Variants in ZBTB20 observed in about 807,000 individuals in gnomAD.
The protein encoded by ZBTB20 is zinc finger and BTB domain containing 20.
A neutral mutation model predicts 56.9 loss-of-function variants in ZBTB20; 9 were observed. The ratio of observed to expected loss-of-function variants is 0.16; its 90% CI spans 0.10 to 0.28. The LOEUF (loss-of-function observed/expected upper bound fraction) is 0.28, where lower values mean the gene tolerates loss of function less well. Ranked by LOEUF, ZBTB20 falls within the 10% of genes least tolerant of loss-of-function variation. The probability of loss-of-function intolerance (pLI) is 1.00; values close to 1 mark genes in which losing one functional copy is unlikely to be tolerated. For synonymous variants in ZBTB20, 417 were observed against 420.7 expected (o/e 0.99, Z 0.11); for missense variants, 655 against 1,003.0 (o/e 0.65, Z 4.69).
intron 1 of ZBTB20, among the ~76,000 whole-genome samples, chr3:115,103,216 A>AT (rs766914028): frequency 6.6e-5 from 10 of 152,180 alleles, no homozygotes; most frequent in Non-Finnish European, 1.2e-4. Context: ...TTGATATGTC[A>AT]TGGGGCAATT....
At chr3:114,417,629 T>C (rs1429110063) in intron 7 of ZBTB20, among the ~76,000 whole-genome samples, 1 of 152,102 alleles carries the variant, frequency 6.6e-6, no homozygotes, top group Non-Finnish European at 1.5e-5. Context: ...GTCTGAACAG[T>C]TCTTGTTTGC....
At chr3:114,583,204 A>G (rs1451964067) in intron 6 of ZBTB20, among the ~76,000 whole-genome samples, 1 of 152,204 alleles carries the variant, frequency 6.6e-6, no homozygotes, top group Non-Finnish European at 1.5e-5. Flanking sequence ...TTTCTCTCAC[A>G]TTGTGGAAGA....
chr3:115,035,570 C>CACACACACAA (rs370833677), intron 2 of ZBTB20, among the ~76,000 whole-genome samples: 1 of 151,400 alleles, frequency 6.6e-6, no homozygotes, highest in African/African-American at 2.4e-5. Flanking sequence ...CACACACACA[C>CACACACACAA]AAAACAAGTT....
At chr3:114,523,109 T>C (rs2046822260) in intron 6 of ZBTB20, among the ~76,000 whole-genome samples, 1 of 151,910 alleles carries the variant, frequency 6.6e-6, no homozygotes. Flanking sequence ...AGGAGTAGAC[T>C]GTGAGGCAGG....
intron 2 of ZBTB20, among the ~76,000 whole-genome samples, chr3:114,975,274 T>C (rs925864270): frequency 3.9e-5 from 6 of 152,182 alleles, no homozygotes; most frequent in Non-Finnish European, 8.8e-5. Flanking sequence ...TCTCTAAATT[T>C]GCTATGAAAT....
At chr3:114,760,296 A>T (rs971398859) in intron 5 of ZBTB20, among the ~76,000 whole-genome samples, 2 of 152,206 alleles carry the variant, frequency 1.3e-5, no homozygotes, top group African/African-American at 4.8e-5. Context: ...GTTATTCAAG[A>T]AGCTCACAAT....
chr3:114,676,486 CT>C lies in ZBTB20; in HGVS notation c.-295+17041del, dbSNP rs1327565720. Among the ~76,000 whole-genome samples the C allele has an allele frequency of 3.3e-5, 5 of 151,956 alleles. No homozygotes were observed. In the East Asian group the frequency reaches 9.6e-4, roughly 29 times the overall value. On this transcript the variant is annotated intron_variant, in intron 6 of 11. Coordinates refer to ENST00000675478, the MANE Select transcript of ZBTB20 (RefSeq NM_001348800.3). ...TTTTATCTCTTAATAAATAGAATCCCTTTTTCCAATTAGATTGTTTTTCAGA... is the reference window on the plus strand; with the variant it reads ...TTTTATCTCTTAATAAATAGAATCCCTTTTCCAATTAGATTGTTTTTCAGA...
At chr3:114,684,581 A>T (rs1359581101) in intron 6 of ZBTB20, 1 of 152,122 alleles carries the variant, frequency 6.6e-6, no homozygotes, top group African/African-American at 2.4e-5. Context: ...ACTTTAGGTA[A>T]CCCTGCCTGA....
At chr3:114,882,796 G>T (rs1329924570) in intron 4 of ZBTB20, among the ~76,000 whole-genome samples, 1 of 152,072 alleles carries the variant, frequency 6.6e-6, no homozygotes, top group Non-Finnish European at 1.5e-5. Flanking sequence ...TATCTCTGGT[G>T]AATAGTGCTA....
At chr3:114,999,542 A>G (rs1473970889) in intron 2 of ZBTB20, among the ~76,000 whole-genome samples, 1 of 151,628 alleles carries the variant, frequency 6.6e-6, no homozygotes, top group Non-Finnish European at 1.5e-5. Flanking sequence ...TATTCTTAGA[A>G]GGAATTTCCT....
At chr3:114,710,220 C>T (rs2063975210) in intron 5 of ZBTB20, 1 of 152,104 alleles carries the variant, frequency 6.6e-6, no homozygotes, top group South Asian at 2.1e-4. Context: ...GAATTGAGAC[C>T]AGTACTTGCA....
At chr3:114,426,821 AT>A (rs368779800) in intron 7 of ZBTB20, among the ~76,000 whole-genome samples, 8 of 152,298 alleles carry the variant, frequency 5.3e-5, no homozygotes, top group African/African-American at 1.2e-4. Flanking sequence ...AAAAAATTAT[AT>A]TTTTAATTGT....
At chr3:114,814,043 T>A (rs1469118460) in intron 4 of ZBTB20, among the ~76,000 whole-genome samples, 2 of 151,790 alleles carry the variant, frequency 1.3e-5, no homozygotes, top group Admixed American at 6.6e-5. Flanking sequence ...GTGATCCCTA[T>A]ACATACTGAA....
intron 2 of ZBTB20, among the ~76,000 whole-genome samples, chr3:114,993,344 G>A: frequency 6.6e-6 from 1 of 151,850 alleles, no homozygotes; most frequent in Non-Finnish European, 1.5e-5. Flanking sequence ...AAGTAAAGGA[G>A]TGAGTCATGA....
At chr3:115,036,468 GC>G (rs2080926712) in intron 2 of ZBTB20, among the ~76,000 whole-genome samples, 1 of 152,074 alleles carries the variant, frequency 6.6e-6, no homozygotes, top group Non-Finnish European at 1.5e-5. Context: ...AGGCTGGAGT[GC>G]AGTGGTGCGA....
At chr3:114,855,479 GA>G (rs1346761435) in intron 4 of ZBTB20, among the ~76,000 whole-genome samples, 2 of 152,142 alleles carry the variant, frequency 1.3e-5, no homozygotes, top group East Asian at 3.9e-4. Flanking sequence ...TTATTTTCTG[GA>G]AAAGGTATTA....
At chr3:114,508,530 C>T (rs2044928682) in intron 6 of ZBTB20, among the ~76,000 whole-genome samples, 1 of 152,074 alleles carries the variant, frequency 6.6e-6, no homozygotes, top group Non-Finnish European at 1.5e-5. Flanking sequence ...CAGGCGAAGG[C>T]ATCAGGAAGG....
At chr3:114,669,695 T>G (rs2061258291) in intron 6 of ZBTB20, among the ~76,000 whole-genome samples, 2 of 152,000 alleles carry the variant, frequency 1.3e-5, no homozygotes, top group South Asian at 4.2e-4. Flanking sequence ...CCAGTTTTTT[T>G]TCCTGTGCAT....
At chr3:114,824,468 T>C (rs1400163657) in intron 4 of ZBTB20, among the ~76,000 whole-genome samples, 5 of 152,026 alleles carry the variant, frequency 3.3e-5, no homozygotes, top group South Asian at 2.1e-4. Flanking sequence ...AGAGGCTTTT[T>C]TTAATATCAT....
Sources: gnomAD v4.1 joint callset for allele counts (sites outside exome capture counted in the v4.1 genomes callset) on GRCh38, gnomAD v4.1.1 for gene constraint, MANE v1.5 for transcripts, NCBI Gene and HGNC (gene_info 2026-07-23, HGNC 2026-07-21) for gene names.